Variants in TM7SF3 observed in about 807,000 individuals in gnomAD.
TM7SF3 encodes the protein transmembrane 7 superfamily member 3.
In TM7SF3, 60 loss-of-function variants were observed where a neutral mutation model predicts 65.5. That is an observed-to-expected ratio of 0.92 (90% CI 0.74 to 1.14). The LOEUF is 1.14. TM7SF3 is among the 50% of genes most tolerant of loss of function. The pLI, the probability that TM7SF3 is intolerant of heterozygous loss-of-function variation, is 0.00. For missense variants in TM7SF3, 623 were observed against 684.8 expected, an observed-to-expected ratio of 0.91 and a Z score of 1.01; for synonymous variants, 264 against 259.6, an observed-to-expected ratio of 1.02 and a Z score of -0.16.
intron 6 of TM7SF3, among the ~76,000 whole-genome samples, chr12:26,990,097 A>AC (rs1940280713): frequency 6.6e-6 from 1 of 152,194 alleles, no homozygotes; most frequent in Non-Finnish European, 1.5e-5. Context: ...ACACCCAGGT[A>AC]CGTGCGTGGT....
intron 6 of TM7SF3, among the ~76,000 whole-genome samples, chr12:26,987,917 C>T (rs898665611): frequency 2.0e-5 from 3 of 152,132 alleles, no homozygotes; most frequent in African/African-American, 7.2e-5. Flanking sequence ...GAGAAGGACA[C>T]ATCACTTCCT....
intron 9 of TM7SF3, among the ~76,000 whole-genome samples, chr12:26,977,086 C>G (rs1243753257): frequency 6.6e-6 from 1 of 152,192 alleles, no homozygotes; most frequent in African/African-American, 2.4e-5. Context: ...ACCATTCAGT[C>G]CATCTGTAAA....
chr12:26,979,645 G>A, intron 9 of TM7SF3, 139 bp downstream of exon 9: 1 of 889,792 alleles, frequency 1.1e-6, no homozygotes, highest in Non-Finnish European at 1.7e-6. Context: ...CTGTCTGAAA[G>A]TGTCACACCA....
At chr12:26,993,895 A>C (rs1190802363) in intron 5 of TM7SF3, among the ~76,000 whole-genome samples, 1 of 152,188 alleles carries the variant, frequency 6.6e-6, no homozygotes, top group African/African-American at 2.4e-5. Context: ...CAGTGGTGGC[A>C]ACTGAGGAAG....
At chr12:26,985,636 AAAAAAAAAAAAAAAAAATATATATAT>A (rs1940022296) in intron 6 of TM7SF3, among the ~76,000 whole-genome samples, 1 of 49,632 alleles carries the variant, frequency 2.0e-5, no homozygotes. Flanking sequence ...AAAAAAAAAA[AAAAAAAAAAAAAAAAAATATATATAT>A]ATATATATAT....
Position 26,979,510 on chromosome 12 carries a change from C to T in TM7SF3, c.1189+274G>A, listed in dbSNP as rs554420857. On this transcript the variant is annotated intron_variant, in intron 9 of 11. Transcript: ENST00000343028. ...GCCTTTACCTCCTTATTTCCTTTACCTCCATTATTTCTAATAAACACATAC... is the reference window on the plus strand; with the variant it reads ...GCCTTTACCTCCTTATTTCCTTTACTTCCATTATTTCTAATAAACACATAC... 1.9e-5 allele frequency: 7 copies of T among 369,054 alleles called. No individual in the cohort carries two copies. The Admixed American group carries it at 2.5e-4, about 13-fold the overall frequency. 22.9% of individuals were successfully genotyped at this position (369,054 alleles called of 1,614,324 possible). A position where few individuals can be genotyped will look rare whatever the true frequency, so the allele number is the denominator to read the frequency against.
At position 27,006,179 on chromosome 12, in the gene TM7SF3, G is replaced by A. The variant is rs1357701735; in HGVS notation, c.92-2789C>T. On this transcript the variant is annotated intron_variant, in intron 1 of 11. Coordinates refer to ENST00000343028, the MANE Select transcript of TM7SF3 (RefSeq NM_016551.3). The stretch of plus-strand genomic sequence containing the variant: ...TTTTGAGACAGAGTCTTGCTCTGTC[G>A]CCAGGCTGGAGTGCAGTGGCGCAAT... Among the ~76,000 whole-genome samples, 4 of 111,136 alleles carry A rather than the reference G, an allele frequency of 3.6e-5. No homozygotes were observed. The East Asian group carries it at 7.6e-4, about 21-fold the overall frequency. The allele number at this position is 111,136 out of a possible 152,430, so 72.9% of individuals were successfully genotyped here.
intron 5 of TM7SF3, among the ~76,000 whole-genome samples, chr12:26,991,750 ATAGAC>A (rs1256937872): frequency 2.7e-4 from 41 of 152,354 alleles, no homozygotes; most frequent in Middle Eastern, 3.4e-3. Flanking sequence ...AACACAATAA[ATAGAC>A]TATATACTGC....
At chr12:26,987,188 TCC>T (rs1362239164) in intron 6 of TM7SF3, among the ~76,000 whole-genome samples, 2 of 152,226 alleles carry the variant, frequency 1.3e-5, no homozygotes. Context: ...CAAGATGCTC[TCC>T]AGCTAAGACT....
At chr12:26,981,054 A>G (rs1939793434) in intron 7 of TM7SF3, among the ~76,000 whole-genome samples, 1 of 152,242 alleles carries the variant, frequency 6.6e-6, no homozygotes, top group South Asian at 2.1e-4. Context: ...AATAAAATGT[A>G]AAAGGTAAAA....
chr12:26,999,103 T>C (rs549261254), intron 3 of TM7SF3, among the ~76,000 whole-genome samples: 1 of 152,236 alleles, frequency 6.6e-6, no homozygotes, highest in South Asian at 2.1e-4. Context: ...CTATAAAATA[T>C]TTCTGATTAT....
intron 1 of TM7SF3, among the ~76,000 whole-genome samples, chr12:27,005,201 G>A (rs1216034040): frequency 1.3e-5 from 2 of 152,074 alleles, no homozygotes; most frequent in Non-Finnish European, 2.9e-5. Context: ...CACCCGTATT[G>A]GCAGTATCAG....
intron 1 of TM7SF3, among the ~76,000 whole-genome samples, chr12:27,005,531 A>G (rs1940998669): frequency 6.6e-6 from 1 of 152,156 alleles, no homozygotes; most frequent in Non-Finnish European, 1.5e-5. Flanking sequence ...CTTCCATCAG[A>G]ACAGTATACA....
intron 9 of TM7SF3, among the ~76,000 whole-genome samples, chr12:26,976,918 CAACT>C (rs768162256): frequency 3.2e-4 from 49 of 152,310 alleles, no homozygotes; most frequent in African/African-American, 6.3e-4. Context: ...AGGAACCAAC[CAACT>C]ATCTGCTCTT....
At position 26,990,514 on chromosome 12, in the gene TM7SF3, GGCA is replaced by G. The variant is rs1940304476; in HGVS notation, c.801_803del (p.Ala268del). On this transcript the variant is annotated inframe_deletion, in exon 6 of 12. Transcript: ENST00000343028. ...AAGCGTATGTGTGAGCAGGAATGTA[GGCA>G]GCAGATGTATTTAGAAACGGGTCCC... 6.2e-7 allele frequency: 1 copy of G among 1,614,112 alleles called. No individual in the cohort carries two copies. Among genetic ancestry groups the G allele is most frequent in the South Asian group, 1.1e-5 (1 of 91,084 alleles).
Position 26,975,510 on chromosome 12 carries a change from G to T in TM7SF3, c.1436C>A (p.Pro479His). Reference sequence around the variant, plus strand: ...AAGAGTCTTACCATTAGTTTGAAAAGGCACATTTGTGAAAGCTCTGTGGAA... The same window carrying T: ...AAGAGTCTTACCATTAGTTTGAAAATGCACATTTGTGAAAGCTCTGTGGAA... The part of the protein sequence containing the change: ...KDFHRAFTNV[P>H]FQTNDFIILA... Residue 479 changes from proline (P) to histidine (H), a missense_variant, in exon 11 of 12, where the codon CCT (proline) becomes CAT (histidine). By Grantham distance (77) the Pro-to-His change is moderately conservative. Transcript: ENST00000343028. The T allele has an allele frequency of 1.9e-6, 3 of 1,614,094 alleles. No homozygotes were observed. The highest frequency in any genetic ancestry group is 2.5e-6 in the Non-Finnish European group (3 of 1,179,974).
At chr12:27,004,109 T>C (rs1359540227) in intron 1 of TM7SF3, among the ~76,000 whole-genome samples, 1 of 152,234 alleles carries the variant, frequency 6.6e-6, no homozygotes, top group Non-Finnish European at 1.5e-5. Context: ...CCTCCAGGCC[T>C]GTCCCATCTG....
rs748193915 is a variant in TM7SF3 at position 26,980,612 on chromosome 12, G to C, written c.990C>G (p.Phe330Leu). The C allele has an allele frequency of 1.9e-6, 3 of 1,579,476 alleles. No homozygotes were observed. The East Asian group carries it at 6.8e-5, about 36-fold the overall frequency. ...LFFIGFIIMG[F>L]FFYILITRLT... ...GTCTTGTAATCAGTATATAAAAGAA[G>C]AATCCCATGATGATAAAGCCTATGA... The change falls in exon 8 of 12, where the codon TTC becomes TTG. Residue 330 changes from phenylalanine (F) to leucine (L), a missense_variant. Transcript: ENST00000343028.
chr12:27,011,270 A>G (rs975798871), intron 1 of TM7SF3, among the ~76,000 whole-genome samples: 4 of 152,248 alleles, frequency 2.6e-5, no homozygotes, highest in African/African-American at 9.6e-5. Flanking sequence ...GAAGACTGAA[A>G]GGCCCAAATG....
Sources: allele counts gnomAD v4.1 joint callset (sites outside exome capture counted in the v4.1 genomes callset), GRCh38; gene constraint gnomAD v4.1.1; transcripts MANE v1.5; gene names NCBI Gene and HGNC (gene_info 2026-07-23, HGNC 2026-07-21).